Variants in CTIF observed in about 807,000 individuals in gnomAD.
CTIF encodes cap binding complex dependent translation initiation factor.
CTIF carries 21 observed loss-of-function variants against 66.0 expected under a neutral mutation model. That is an observed-to-expected ratio of 0.32 (90% CI 0.23 to 0.46). The LOEUF is 0.46. CTIF is among the 20% of genes least tolerant of loss of function. The probability of loss-of-function intolerance (pLI) is 1.00; values close to 1 mark genes in which losing one functional copy is unlikely to be tolerated. For missense variants in CTIF, 739 were observed against 812.7 expected (o/e 0.91, Z 1.10); for synonymous variants, 345 against 326.4 (o/e 1.06, Z -0.62).
intron 9 of CTIF, among the ~76,000 whole-genome samples, chr18:48,775,420 A>T (rs4533357): frequency 3.9e-5 from 6 of 152,082 alleles, no homozygotes; most frequent in Non-Finnish European, 8.8e-5. Flanking sequence ...GGAAAGCGCC[A>T]TGAGATGCCC....
intron 3 of CTIF, among the ~76,000 whole-genome samples, chr18:48,647,474 T>G (rs993415033): frequency 1.3e-5 from 2 of 152,232 alleles, no homozygotes; most frequent in East Asian, 3.8e-4. Flanking sequence ...ACAAGTTACA[T>G]TGTGGCATTG....
chr18:48,745,768 A>G (rs2092590529), intron 7 of CTIF, among the ~76,000 whole-genome samples: 1 of 152,224 alleles, frequency 6.6e-6, no homozygotes, highest in Non-Finnish European at 1.5e-5. Flanking sequence ...GGTTCTAGAC[A>G]AAGAAACTAT....
chr18:48,809,234 TATTA>T (rs1242916659), intron 9 of CTIF, among the ~76,000 whole-genome samples: 2 of 152,204 alleles, frequency 1.3e-5, no homozygotes, highest in African/African-American at 2.4e-5. Flanking sequence ...TAAATATTCT[TATTA>T]ATTAGTCACT....
intron 1 of CTIF, among the ~76,000 whole-genome samples, chr18:48,574,133 G>A (rs868424020): frequency 1.3e-5 from 2 of 152,178 alleles, no homozygotes; most frequent in Admixed American, 6.5e-5. Flanking sequence ...CCTTCCTGCC[G>A]GGGCGGCTTC....
intron 1 of CTIF, among the ~76,000 whole-genome samples, chr18:48,580,653 C>T (rs2089633822): frequency 6.6e-6 from 1 of 152,328 alleles, no homozygotes; most frequent in East Asian, 1.9e-4. Context: ...CGTTCGGGAC[C>T]CTCTCTGACT....
In CTIF at chr18:48,761,417, C is replaced by A; in HGVS notation, c.1099C>A (p.Pro367Thr). The A allele has an allele frequency of 1.9e-6, 3 of 1,613,912 alleles. No individual in the cohort carries two copies. The highest frequency in any genetic ancestry group is 2.5e-6 in the Non-Finnish European group (3 of 1,180,000). ...KDEVAVETTTPQQNKMDKLIE... is the reference protein window; with the variant it reads ...KDEVAVETTTTQQNKMDKLIE... ...TGAAGTGGCCGTGGAGACGACCACTCCCCAGCAGAACAAGATGGACAAGCT... is the reference window on the plus strand; with the variant it reads ...TGAAGTGGCCGTGGAGACGACCACTACCCAGCAGAACAAGATGGACAAGCT... Residue 367 changes from proline (P) to threonine (T), a missense_variant, in exon 9 of 12, where the codon CCC (proline) becomes ACC (threonine). Transcript: ENST00000256413. The surrounding 1 kb of genome is among the most constrained non-coding windows in gnomAD (Gnocchi z 4.2).
intron 10 of CTIF, among the ~76,000 whole-genome samples, chr18:48,822,585 G>A (rs1463360377): frequency 5.1e-5 from 7 of 137,974 alleles, no homozygotes; most frequent in East Asian, 4.4e-4. Flanking sequence ...GGTTGTTTCC[G>A]TGTCTTGGCT....
intron 7 of CTIF, among the ~76,000 whole-genome samples, chr18:48,748,532 A>T (rs1422934592): frequency 6.6e-6 from 1 of 152,130 alleles, no homozygotes; most frequent in East Asian, 1.9e-4. Flanking sequence ...CCTCCCGAAG[A>T]TCAGCGCACC....
chr18:48,730,300 A>AGGTGTGAGGGGCTTCTGC (rs1167781064), intron 7 of CTIF, among the ~76,000 whole-genome samples: 24 of 65,766 alleles, frequency 3.6e-4, no homozygotes, highest in Admixed American at 1.4e-3. Flanking sequence ...GGGGCCCCTG[A>AGGTGTGAGGGGCTTCTGC]GGTGTGAGGG....
chr18:48,703,392 C>A (rs575728148), intron 6 of CTIF, among the ~76,000 whole-genome samples: 1 of 152,142 alleles, frequency 6.6e-6, no homozygotes, highest in Non-Finnish European at 1.5e-5. Flanking sequence ...CCTTCCCTGG[C>A]CTGGGCTAGG....
At chr18:48,838,936 T>C (rs1310821996) in intron 10 of CTIF, among the ~76,000 whole-genome samples, 1 of 152,070 alleles carries the variant, frequency 6.6e-6, no homozygotes. Flanking sequence ...AATCTCTAAG[T>C]GTCCTAGTGG....
chr18:48,736,290 T>C (rs994207954), intron 7 of CTIF, among the ~76,000 whole-genome samples: 1 of 152,182 alleles, frequency 6.6e-6, no homozygotes, highest in East Asian at 1.9e-4. Context: ...TGAATGCCTG[T>C]GCCTCTCCAA....
chr18:48,676,585 C>T (rs1417109131), intron 6 of CTIF, among the ~76,000 whole-genome samples: 2 of 152,092 alleles, frequency 1.3e-5, no homozygotes, highest in African/African-American at 4.8e-5. Flanking sequence ...GTGAAAGGGG[C>T]TTAGTGCCCA....
intron 7 of CTIF, among the ~76,000 whole-genome samples, chr18:48,750,358 C>T (rs906005131): frequency 6.6e-6 from 1 of 152,218 alleles, no homozygotes; most frequent in Non-Finnish European, 1.5e-5. Context: ...GAAATGGGTC[C>T]GCAGTTGAGT....
intron 3 of CTIF, among the ~76,000 whole-genome samples, chr18:48,659,342 C>T (rs923610004): frequency 6.6e-6 from 1 of 152,136 alleles, no homozygotes; most frequent in Non-Finnish European, 1.5e-5. Flanking sequence ...ACAGAGAGGC[C>T]CGATGCCTTG....
At chr18:48,828,377 C>T (rs1020098225) in intron 10 of CTIF, among the ~76,000 whole-genome samples, 15 of 152,278 alleles carry the variant, frequency 9.9e-5, no homozygotes, top group African/African-American at 3.6e-4. Flanking sequence ...GGGGAATTAA[C>T]TAGCCTTATG....
At chr18:48,749,252 G>A (rs1429189699) in intron 7 of CTIF, among the ~76,000 whole-genome samples, 1 of 152,224 alleles carries the variant, frequency 6.6e-6, no homozygotes, top group Non-Finnish European at 1.5e-5. Flanking sequence ...CAGCCAGGGT[G>A]CCGAGGCCAG....
chr18:48,629,566 G>A (rs1184026531), intron 2 of CTIF, among the ~76,000 whole-genome samples: 1 of 150,968 alleles, frequency 6.6e-6, no homozygotes, highest in Admixed American at 6.6e-5. Context: ...TATAGGAAAT[G>A]AACATTGATA....
intron 1 of CTIF, among the ~76,000 whole-genome samples, chr18:48,594,177 T>A (rs907752628): frequency 7.8e-4 from 118 of 152,048 alleles, no homozygotes; most frequent in African/African-American, 2.6e-3. Flanking sequence ...TCCTGGGGGA[T>A]GCCTTGCTCA....
Sources: allele counts gnomAD v4.1 joint callset (sites outside exome capture counted in the v4.1 genomes callset), GRCh38; gene constraint gnomAD v4.1.1; non-coding constraint Gnocchi (gnomAD v3.1); transcripts MANE v1.5; gene names NCBI Gene and HGNC (gene_info 2026-07-23, HGNC 2026-07-21).